GAB1: variants seen among roughly 807,000 people sequenced by gnomAD.
GAB1 encodes GRB2-associated-binding protein 1.
A neutral mutation model predicts 66.5 loss-of-function variants in GAB1; 19 were observed. That is an observed-to-expected ratio of 0.29 (90% CI 0.20 to 0.42). The LOEUF is 0.42. Among genes scored for constraint, GAB1 ranks in the 10% least tolerant of loss-of-function variants. The pLI is 1.00. For missense variants in GAB1, 732 were observed against 858.5 expected, an observed-to-expected ratio of 0.85 and a Z score of 1.84; for synonymous variants, 294 against 301.4, an observed-to-expected ratio of 0.98 and a Z score of 0.25.
At chr4:143,373,044 AACAC>A (rs36205621) in intron 1 of GAB1, among the ~76,000 whole-genome samples, 14,592 of 148,154 alleles carry the variant, frequency 0.098, 1,197 homozygotes, top group African/African-American at 0.23. Context: ...TTCCTTTAAA[AACAC>A]ACACACACAC....
rs1734156073 is a variant in GAB1, at chr4:143,440,295, A to C, written c.1498A>C (p.Ser500Arg). 1.2e-6 allele frequency: 2 copies of C among 1,614,036 alleles called. No individual in the cohort carries two copies. Among genetic ancestry groups the C allele is most frequent in the Admixed American group, 3.3e-5 (2 of 60,002 alleles). ...PPPAHMGFRS[S>R]PKTPPRRPVP... Reference sequence around the variant, plus strand: ...TCCTGCTCATATGGGCTTCAGGTCCAGCCCAAAAACCCCTCCCAGAAGGCC... The same window carrying C: ...TCCTGCTCATATGGGCTTCAGGTCCCGCCCAAAAACCCCTCCCAGAAGGCC... Residue 500 changes from serine to arginine, a missense_variant, in exon 6 of 10, where the codon AGC (serine) becomes CGC (arginine). By Grantham distance (110) the Ser-to-Arg change is moderately radical. Coordinates refer to ENST00000262994, the MANE Select transcript of GAB1 (RefSeq NM_002039.4).
intron 6 of GAB1, among the ~76,000 whole-genome samples, chr4:143,449,497 A>G (rs998169557): frequency 2.6e-5 from 4 of 152,212 alleles, no homozygotes; most frequent in Admixed American, 2.6e-4. Context: ...ATATATATTT[A>G]GGATAGTTAG....
At chr4:143,355,890 C>T (rs910633038) in intron 1 of GAB1, among the ~76,000 whole-genome samples, 1 of 152,110 alleles carries the variant, frequency 6.6e-6, no homozygotes, top group African/African-American at 2.4e-5. Context: ...CTGGATCCTG[C>T]TTTCCTACAT....
At chr4:143,455,337 A>G (rs1178175881) in intron 6 of GAB1, among the ~76,000 whole-genome samples, 5 of 152,222 alleles carry the variant, frequency 3.3e-5, no homozygotes, top group Admixed American at 1.3e-4. Context: ...ATAACCTGTC[A>G]GGCAGTTGGA....
At chr4:143,420,930 T>TA (rs1454216733) in intron 2 of GAB1, among the ~76,000 whole-genome samples, 1 of 152,082 alleles carries the variant, frequency 6.6e-6, no homozygotes, top group East Asian at 1.9e-4. Context: ...AGGTATAACT[T>TA]ACTACTGTGA....
At chr4:143,415,273 T>A (rs1185424416) in intron 1 of GAB1, among the ~76,000 whole-genome samples, 6 of 152,228 alleles carry the variant, frequency 3.9e-5, no homozygotes, top group Non-Finnish European at 5.9e-5. Context: ...AATATATATA[T>A]ACATTATTAA....
In GAB1 at chr4:143,337,170, A is replaced by G. The variant is rs1393100303; in HGVS notation, c.-19A>G. 14 of 1,565,042 alleles carry G rather than the reference A, an allele frequency of 8.9e-6. No homozygotes were observed. Among genetic ancestry groups the G allele is most frequent in the Non-Finnish European group, 1.2e-5 (14 of 1,154,362 alleles). ...GCCGCCCCTCAGCTGCCCGGCCCGGAGCCCGAGACGCGCGCACCATGAGCG... is the reference window on the plus strand; with the variant it reads ...GCCGCCCCTCAGCTGCCCGGCCCGGGGCCCGAGACGCGCGCACCATGAGCG... On this transcript the variant is annotated 5_prime_UTR_variant, in exon 1 of 10. Coordinates refer to ENST00000262994, the MANE Select transcript of GAB1 (RefSeq NM_002039.4).
intron 7 of GAB1, 100 bp downstream of exon 7, chr4:143,459,578 A>G (rs1381397347): frequency 8.9e-6 from 7 of 787,820 alleles, no homozygotes; most frequent in Non-Finnish European, 1.6e-5. Context: ...TTCTCAATGG[A>G]TGATCTGAAG....
At chr4:143,364,449 T>C (rs1169307837) in intron 1 of GAB1, among the ~76,000 whole-genome samples, 2 of 152,166 alleles carry the variant, frequency 1.3e-5, no homozygotes, top group African/African-American at 2.4e-5. Context: ...ACTTCTAGAG[T>C]ACACAGGCAT....
At chr4:143,399,940 C>CT (rs34740795) in intron 1 of GAB1, among the ~76,000 whole-genome samples, 12,113 of 134,702 alleles carry the variant, frequency 0.09, 782 homozygotes, top group African/African-American at 0.16. Flanking sequence ...GAGTCTTGCT[C>CT]TTTTTTTTTT....
intron 1 of GAB1, among the ~76,000 whole-genome samples, chr4:143,371,987 A>G (rs1455860866): frequency 6.6e-6 from 1 of 152,106 alleles, no homozygotes; most frequent in Non-Finnish European, 1.5e-5. Flanking sequence ...TTCATTCAGC[A>G]TCTAGTTTAA....
At chr4:143,434,400 C>G (rs906343362) in intron 3 of GAB1, among the ~76,000 whole-genome samples, 2 of 145,104 alleles carry the variant, frequency 1.4e-5, no homozygotes, top group Non-Finnish European at 3.0e-5. Flanking sequence ...CAAGGGCTTG[C>G]TCTGTTGCCC....
chr4:143,356,795 CA>C (rs1428288065), intron 1 of GAB1, among the ~76,000 whole-genome samples: 2 of 152,116 alleles, frequency 1.3e-5, no homozygotes, highest in African/African-American at 4.8e-5. Context: ...GCCTGCCAAA[CA>C]AAATGGGGGT....
intron 1 of GAB1, among the ~76,000 whole-genome samples, chr4:143,373,868 A>AATAAATAAATAAATAT: frequency 5.3e-5 from 5 of 93,668 alleles, no homozygotes; most frequent in African/African-American, 2.3e-4. Context: ...TAAATAAATA[A>AATAAATAAATAAATAT]ATATATATAT....
At chr4:143,368,575 T>C (rs1471238490) in intron 1 of GAB1, among the ~76,000 whole-genome samples, 1 of 152,210 alleles carries the variant, frequency 6.6e-6, no homozygotes, top group African/African-American at 2.4e-5. Context: ...ATACAAGTAG[T>C]TCTTGGCAGT....
intron 6 of GAB1, among the ~76,000 whole-genome samples, chr4:143,449,297 C>A (rs1734759077): frequency 6.6e-6 from 1 of 151,674 alleles, no homozygotes; most frequent in South Asian, 2.1e-4. Flanking sequence ...CTGTAGATGT[C>A]TATTAGGTCC....
At chr4:143,425,567 G>A (rs1460633166) in intron 2 of GAB1, 8 of 762,834 alleles carry the variant, frequency 1.0e-5, no homozygotes, top group Non-Finnish European at 1.7e-5. Context: ...TGGGTTTGAT[G>A]TGGATGCTGG....
At position 143,469,141 on chromosome 4, in the gene GAB1, T is replaced by C; in HGVS notation, c.2037T>C (p.Asp679=). The C allele has an allele frequency of 6.2e-7, 1 of 1,614,140 alleles. No individual in the cohort carries two copies. Among genetic ancestry groups the C allele is most frequent in the Non-Finnish European group, 8.5e-7 (1 of 1,179,980 alleles). ...AGAGTACCCGGGAAGCCTGGACAGA[T>C]GGGAGACAGTCCACAGAATCAGAAA... ...ALKSTREAWT[D]GRQSTESETP... The change falls in exon 10 of 10, where the codon GAT becomes GAC. Residue 679 remains aspartate (D), a synonymous_variant. Transcript: ENST00000262994.
At chr4:143,388,862 G>A (rs1731045228) in intron 1 of GAB1, among the ~76,000 whole-genome samples, 1 of 152,150 alleles carries the variant, frequency 6.6e-6, no homozygotes, top group Non-Finnish European at 1.5e-5. Flanking sequence ...TTCATATTTA[G>A]AAGTTTTAAA....
Sources: allele counts gnomAD v4.1 joint callset (sites outside exome capture counted in the v4.1 genomes callset), GRCh38; gene constraint gnomAD v4.1.1; transcripts MANE v1.5; gene names NCBI Gene and HGNC (gene_info 2026-07-23, HGNC 2026-07-21).